The following CHMP2B variants were observed in gnomAD, a reference collection of about 807,000 sequenced individuals.
CHMP2B encodes VPS2 homolog B.
A neutral mutation model predicts 29.8 loss-of-function variants in CHMP2B; 22 were observed. The ratio of observed to expected loss-of-function variants is 0.74; its 90% CI spans 0.53 to 1.05. The LOEUF is 1.05. Among genes scored for constraint, CHMP2B ranks in the 50% least tolerant of loss-of-function variants. The pLI, the probability that CHMP2B is intolerant of heterozygous loss-of-function variation, is 0.00. For synonymous variants in CHMP2B, 78 were observed against 75.8 expected (o/e 1.03, Z -0.15); for missense variants, 261 against 252.2 (o/e 1.03, Z -0.24).
At chr3:87,244,418 A>G (rs1706176783) in intron 2 of CHMP2B, among the ~76,000 whole-genome samples, 1 of 150,330 alleles carries the variant, frequency 6.7e-6, no homozygotes, top group African/African-American at 2.4e-5. Context: ...TCTTTTTTCT[A>G]TGTTATGTTG....
In CHMP2B at chr3:87,254,076, T is replaced by C. The variant is rs1030029418; in HGVS notation, c.*254T>C. ...GATGTGTAAAAAGTTGACTTCTCTT[T>C]TGCATGGCACAGAGAAATTATATTC... is the stretch of plus-strand genomic sequence containing the variant. On this transcript the variant is annotated 3_prime_UTR_variant, in exon 6 of 6. Transcript: ENST00000263780. 2.6e-6 allele frequency: 1 copy of C among 382,762 alleles called. No individual in the cohort carries two copies. The highest frequency in any genetic ancestry group is 2.1e-5 in the African/African-American group (1 of 48,288). The allele number at this position is 382,762 out of a possible 1,614,324, so 23.7% of individuals were successfully genotyped here. A position where few individuals can be genotyped will look rare whatever the true frequency, so the allele number is the denominator to read the frequency against.
chr3:87,249,788 A>G (rs72563126), intron 3 of CHMP2B, 87 bp from the exon 4 acceptor site: 17 of 750,208 alleles, frequency 2.3e-5, no homozygotes, highest in African/African-American at 1.1e-4. Flanking sequence ...AAGCCTATCT[A>G]TATTTGATGT....
chr3:87,237,206 T>C (rs1706032763), intron 1 of CHMP2B, among the ~76,000 whole-genome samples: 1 of 152,176 alleles, frequency 6.6e-6, no homozygotes, highest in Admixed American at 6.5e-5. Flanking sequence ...ATGTGTATTA[T>C]GGGCTGAATT....
rs369132703 is a variant in CHMP2B at position 87,238,681 on chromosome 3, C to T, written c.35-2018C>T. ...ATACTCCATTGTATTTATATACCACCGTTTGTTTATCTGTGCACCTCTTTG... is the reference window on the plus strand; with the variant it reads ...ATACTCCATTGTATTTATATACCACTGTTTGTTTATCTGTGCACCTCTTTG... On this transcript the variant is annotated intron_variant, in intron 1 of 5. Coordinates refer to ENST00000263780, the MANE Select transcript of CHMP2B (RefSeq NM_014043.4). 4.2e-4 allele frequency among the ~76,000 whole-genome samples: 64 copies of T among 152,200 alleles called. 1 individual carries two copies. The highest frequency in any genetic ancestry group is 3.5e-3 in the East Asian group (18 of 5,182).
intron 1 of CHMP2B, among the ~76,000 whole-genome samples, chr3:87,235,742 C>T (rs1336652732): frequency 3.3e-5 from 5 of 152,186 alleles, no homozygotes; most frequent in African/African-American, 1.2e-4. Flanking sequence ...TTCAGCAATT[C>T]AGTTCACTTC....
intron 3 of CHMP2B, among the ~76,000 whole-genome samples, chr3:87,247,263 C>T (rs1220471681): frequency 1.3e-5 from 2 of 152,148 alleles, no homozygotes; most frequent in Non-Finnish European, 2.9e-5. Context: ...TTTAAAGATG[C>T]CATATTTAAT....
chr3:87,242,757 C>T (rs949509655), intron 2 of CHMP2B, among the ~76,000 whole-genome samples: 6 of 152,096 alleles, frequency 3.9e-5, no homozygotes, highest in East Asian at 1.9e-4. Context: ...GTTGTCCAAA[C>T]GTAGGCATCT....
chr3:87,240,591 C>G, intron 1 of CHMP2B, 108 bp from the exon 2 acceptor site: 1 of 817,760 alleles, frequency 1.2e-6, no homozygotes, highest in Non-Finnish European at 2.1e-6. Context: ...GCCACTGCGC[C>G]CAGCCAATAT....
intron 3 of CHMP2B, among the ~76,000 whole-genome samples, chr3:87,247,133 C>G (rs1323698993): frequency 3.3e-5 from 5 of 152,156 alleles, no homozygotes; most frequent in Non-Finnish European, 4.4e-5. Flanking sequence ...GTCGGGAACA[C>G]TGAAATAGTG....
chr3:87,230,612 G>T (rs1342766214), intron 1 of CHMP2B, among the ~76,000 whole-genome samples: 1 of 152,090 alleles, frequency 6.6e-6, no homozygotes, highest in Non-Finnish European at 1.5e-5. Context: ...AATGGTGGTG[G>T]AACTGGAAAT....
chr3:87,249,812 T>A (rs1706282301), intron 3 of CHMP2B, 63 bp from the exon 4 acceptor site: 4 of 997,812 alleles, frequency 4.0e-6, no homozygotes, highest in Non-Finnish European at 6.3e-6. Flanking sequence ...CCCTTTTGAC[T>A]TATTTCATAG....
chr3:87,233,639 A>C (rs1705945405), intron 1 of CHMP2B, among the ~76,000 whole-genome samples: 1 of 152,130 alleles, frequency 6.6e-6, no homozygotes. Flanking sequence ...AGTGCCCACT[A>C]TTCCCACTGA....
At chr3:87,251,813 C>T (rs1055326269) in intron 4 of CHMP2B, among the ~76,000 whole-genome samples, 8 of 151,610 alleles carry the variant, frequency 5.3e-5, no homozygotes, top group Admixed American at 6.6e-5. Flanking sequence ...CTGATTACAC[C>T]TTTCTAATCT....
chr3:87,244,353 A>G (rs540439798), intron 2 of CHMP2B, among the ~76,000 whole-genome samples: 1 of 151,000 alleles, frequency 6.6e-6, no homozygotes, highest in East Asian at 2.0e-4. Context: ...TTCCTAGTTT[A>G]TATATATATA....
At chr3:87,251,812 C>G (rs1706317887) in intron 4 of CHMP2B, among the ~76,000 whole-genome samples, 1 of 151,698 alleles carries the variant, frequency 6.6e-6, no homozygotes, top group African/African-American at 2.4e-5. Flanking sequence ...TCTGATTACA[C>G]CTTTCTAATC....
rs765690978 is a variant in CHMP2B, at chr3:87,245,847, CACAA to C, written c.266_269del (p.Thr89LysfsTer2). On this transcript the variant is annotated frameshift_variant, in exon 3 of 6. Coordinates refer to ENST00000263780, the MANE Select transcript of CHMP2B (RefSeq NM_014043.4). LOFTEE classifies it high-confidence loss of function. ...AGTTCAAAAGTTACTTCTATGTCTA[CACAA>C]ACAAAAGTGATGAATTCCCAAATGA... 15 of 1,613,592 alleles carry C rather than the reference CACAA, an allele frequency of 9.3e-6. No individual in the cohort carries two copies. Among genetic ancestry groups the C allele is most frequent in the Middle Eastern group, 3.3e-4 (2 of 6,048 alleles).
chr3:87,253,936 C>A lies in CHMP2B; in HGVS notation c.*114C>A. ...TTGCAAAAAAAAAAAAAATGAAGAC[C>A]ATGAGTGAACAGTTGTTTCCTAACC... On this transcript the variant is annotated 3_prime_UTR_variant, in exon 6 of 6. Coordinates refer to ENST00000263780, the MANE Select transcript of CHMP2B (RefSeq NM_014043.4). 1.4e-6 allele frequency: 1 copy of A among 700,774 alleles called. No homozygotes were observed. The highest frequency in any genetic ancestry group is 2.5e-6 in the Non-Finnish European group (1 of 408,146). The allele number at this position is 700,774 out of a possible 1,614,324, so 43.4% of individuals were successfully genotyped here. A position where few individuals can be genotyped will look rare whatever the true frequency, so the allele number is the denominator to read the frequency against.
intron 1 of CHMP2B, among the ~76,000 whole-genome samples, chr3:87,230,711 T>C (rs1007608089): frequency 6.6e-6 from 1 of 152,086 alleles, no homozygotes; most frequent in Non-Finnish European, 1.5e-5. Flanking sequence ...TTTGAAGGAG[T>C]AGTGATGTCT....
chr3:87,245,678 A>C, intron 2 of CHMP2B, 36 bp from the exon 3 acceptor site: 13 of 1,556,052 alleles, frequency 8.4e-6, no homozygotes, highest in Non-Finnish European at 1.2e-5. Flanking sequence ...CTACCCTTTA[A>C]TAATTTTATT....
Sources: gnomAD v4.1 joint callset for allele counts (sites outside exome capture counted in the v4.1 genomes callset) on GRCh38, gnomAD v4.1.1 for gene constraint, MANE v1.5 for transcripts, NCBI Gene and HGNC (gene_info 2026-07-23, HGNC 2026-07-21) for gene names.